The following JMJD1C variants were observed in gnomAD, a reference collection of about 807,000 sequenced individuals.
JMJD1C encodes the protein jumonji domain-containing protein 1C.
A neutral mutation model predicts 245.3 loss-of-function variants in JMJD1C; 31 were observed. The observed-to-expected ratio is 0.13, with a 90% CI of 0.09 to 0.17. The LOEUF (loss-of-function observed/expected upper bound fraction) is 0.17, where lower values mean the gene tolerates loss of function less well. JMJD1C is among the 10% of genes least tolerant of loss of function. The pLI is 1.00. For missense variants in JMJD1C, 2,691 were observed against 3,000.2 expected (o/e 0.90, Z 2.41); for synonymous variants, 1,057 against 1,017.4 (o/e 1.04, Z -0.74).
intron 21 of JMJD1C, 52 bp from the exon 22 acceptor site, chr10:63,183,621 G>A (rs779633334): frequency 2.9e-5 from 32 of 1,087,208 alleles, no homozygotes; most frequent in Middle Eastern, 2.8e-4. Flanking sequence ...ATATGTAATA[G>A]CATAATCAGA....
intron 2 of JMJD1C, among the ~76,000 whole-genome samples, chr10:63,359,812 C>T (rs1435928804): frequency 6.6e-6 from 1 of 152,082 alleles, no homozygotes; most frequent in Non-Finnish European, 1.5e-5. Flanking sequence ...AGAATTTAAA[C>T]TCTTTTTTAA....
intron 24 of JMJD1C, among the ~76,000 whole-genome samples, chr10:63,173,508 G>C (rs4466712): frequency 0.14 from 21,140 of 152,198 alleles, 2,204 homozygotes; most frequent in East Asian, 0.35. Flanking sequence ...GATTGCCTGA[G>C]CTTAGGAGTT....
At chr10:63,253,586 A>G (rs1853413177) in intron 3 of JMJD1C, among the ~76,000 whole-genome samples, 1 of 152,112 alleles carries the variant, frequency 6.6e-6, no homozygotes, top group South Asian at 2.1e-4. Context: ...GGGTTTCACC[A>G]TGTTGGCTAG....
At chr10:63,521,262 G>C (rs1313750539) in intron 1 of JMJD1C, 1 of 151,156 alleles carries the variant, frequency 6.6e-6, no homozygotes, top group Non-Finnish European at 1.5e-5. Context: ...CCCTGGCCCG[G>C]GCCAACGCGC....
At chr10:63,260,037 G>A (rs1854495183) in intron 3 of JMJD1C, among the ~76,000 whole-genome samples, 1 of 152,052 alleles carries the variant, frequency 6.6e-6, no homozygotes, top group African/African-American at 2.4e-5. Context: ...GAGTAGCTGG[G>A]ATCCAGAACT....
At position 63,324,925 on chromosome 10, in the gene JMJD1C, T is replaced by C. The variant is rs544564704; in HGVS notation, c.333+55393A>G. Among the ~76,000 whole-genome samples the C allele has an allele frequency of 2.6e-5, 4 of 152,324 alleles. No homozygotes were observed. The South Asian group carries it at 8.3e-4, about 32-fold the overall frequency. On this transcript the variant is annotated intron_variant, in intron 2 of 25. Transcript: ENST00000399262. ...TGGAGTCATGAAATCCTTAGCTTGC[T>C]TCATACAAACCAAACATACATTTTT...
intron 1 of JMJD1C, among the ~76,000 whole-genome samples, chr10:63,419,300 TG>T (rs1406603264): frequency 5.9e-5 from 9 of 151,952 alleles, no homozygotes; most frequent in African/African-American, 2.2e-4. Flanking sequence ...GGCAGGAGAA[TG>T]GCTTGAACCC....
chr10:63,206,779 G>A lies in JMJD1C; in HGVS notation c.4890C>T (p.Asp1630=). The A allele has an allele frequency of 6.2e-7, 1 of 1,609,138 alleles. No individual in the cohort carries two copies. ...RTYESGSESG[D]SDESESKSEQ... is the part of the protein sequence containing the mutation. The stretch of plus-strand genomic sequence containing the variant: ...CTGACTTGCTTTCACTTTCATCTGA[G>A]TCTCCACTTTCAGAGCCAGATTCAT... The change falls in exon 10 of 26, where the codon GAC becomes GAT. Residue 1630 remains aspartate, a synonymous_variant. Transcript: ENST00000399262.
intron 4 of JMJD1C, among the ~76,000 whole-genome samples, chr10:63,217,953 A>G (rs555365436): frequency 6.6e-6 from 1 of 152,208 alleles, no homozygotes; most frequent in East Asian, 1.9e-4. Context: ...AATATTAAAC[A>G]TATTTATCTG....
intron 1 of JMJD1C, among the ~76,000 whole-genome samples, chr10:63,454,946 T>A (rs1952316423): frequency 6.6e-6 from 1 of 152,198 alleles, no homozygotes; most frequent in African/African-American, 2.4e-5. Flanking sequence ...CTTCATAAGT[T>A]GAATTGTGTA....
intron 3 of JMJD1C, among the ~76,000 whole-genome samples, chr10:63,239,426 A>G (rs1031586819): frequency 1.3e-5 from 2 of 152,192 alleles, no homozygotes; most frequent in East Asian, 3.9e-4. Context: ...GGCAAGAGAG[A>G]GACCTAAAAC....
chr10:63,331,214 G>A (rs1942104824), intron 2 of JMJD1C, among the ~76,000 whole-genome samples: 1 of 151,792 alleles, frequency 6.6e-6, no homozygotes, highest in South Asian at 2.1e-4. Flanking sequence ...AACACTTTTT[G>A]TGCATGTAAT....
At chr10:63,291,842 T>C (rs1242633779) in intron 2 of JMJD1C, among the ~76,000 whole-genome samples, 1 of 152,156 alleles carries the variant, frequency 6.6e-6, no homozygotes, top group East Asian at 1.9e-4. Flanking sequence ...CAACTAATCT[T>C]TTATTTTAAT....
chr10:63,222,605 C>T (rs1278079185), intron 3 of JMJD1C: 4 of 1,595,240 alleles, frequency 2.5e-6, no homozygotes, highest in Middle Eastern at 2.3e-4. Context: ...TCTTCATTGT[C>T]GAAACTCACA....
At chr10:63,225,384 T>C (rs1849138526) in intron 3 of JMJD1C, among the ~76,000 whole-genome samples, 1 of 152,056 alleles carries the variant, frequency 6.6e-6, no homozygotes, top group Admixed American at 6.5e-5. Context: ...TTAAATGAGG[T>C]TTGGGGGTAC....
intron 1 of JMJD1C, among the ~76,000 whole-genome samples, chr10:63,417,724 T>C (rs1423871585): frequency 6.6e-6 from 1 of 152,174 alleles, no homozygotes; most frequent in Non-Finnish European, 1.5e-5. Flanking sequence ...ATGTTAAATA[T>C]TTCCTTCCAA....
chr10:63,402,001 G>C (rs1439523737), intron 1 of JMJD1C, among the ~76,000 whole-genome samples: 1 of 151,998 alleles, frequency 6.6e-6, no homozygotes, highest in East Asian at 1.9e-4. Flanking sequence ...AGGCGTGGTG[G>C]TGCATGCCTG....
chr10:63,212,796 G>C (rs1289021705), intron 8 of JMJD1C, among the ~76,000 whole-genome samples: 3 of 151,124 alleles, frequency 2.0e-5, no homozygotes, highest in African/African-American at 7.3e-5. Context: ...TTCACTTCTG[G>C]GAATTTGGCT....
chr10:63,232,521 T>C (rs1052966499), intron 3 of JMJD1C, among the ~76,000 whole-genome samples: 1 of 152,174 alleles, frequency 6.6e-6, no homozygotes, highest in African/African-American at 2.4e-5. Context: ...TTAACTGTTA[T>C]GAAGGAAAAA....
Sources: allele counts gnomAD v4.1 joint callset (sites outside exome capture counted in the v4.1 genomes callset), GRCh38; gene constraint gnomAD v4.1.1; transcripts MANE v1.5; gene names NCBI Gene and HGNC (gene_info 2026-07-23, HGNC 2026-07-21).